RAI1: variants seen among roughly 807,000 people sequenced by gnomAD.
RAI1 encodes retinoic acid-induced protein 1.
A neutral mutation model predicts 123.8 loss-of-function variants in RAI1; 9 were observed. The ratio of observed to expected loss-of-function variants is 0.07; its 90% CI spans 0.04 to 0.13. The LOEUF is 0.13. Ranked by LOEUF, RAI1 falls within the 10% of genes least tolerant of loss-of-function variation. RAI1 has a pLI of 1.00. For missense variants in RAI1, 2,256 were observed against 2,545.8 expected, an observed-to-expected ratio of 0.89 and a Z score of 2.45; for synonymous variants, 1,231 against 1,127.3, an observed-to-expected ratio of 1.09 and a Z score of -1.84.
intron 4 of RAI1, among the ~76,000 whole-genome samples, chr17:17,807,950 G>A (rs1329791792): frequency 1.3e-5 from 2 of 152,198 alleles, no homozygotes; most frequent in Admixed American, 6.5e-5. Flanking sequence ...AGAGAGGCCT[G>A]CTACCACCCA....
intron 1 of RAI1, among the ~76,000 whole-genome samples, chr17:17,696,800 G>T (rs996633547): frequency 1.3e-5 from 2 of 152,206 alleles, no homozygotes; most frequent in African/African-American, 4.8e-5. Context: ...CTTTACTCTG[G>T]CCCAGATATG....
At chr17:17,743,485 C>T (rs1398137578) in intron 2 of RAI1, among the ~76,000 whole-genome samples, 3 of 152,254 alleles carry the variant, frequency 2.0e-5, no homozygotes, top group Non-Finnish European at 4.4e-5. Context: ...CCCTGAGTGG[C>T]AGCGTCCAGG....
chr17:17,744,404 A>G (rs772814711), intron 2 of RAI1, among the ~76,000 whole-genome samples: 5 of 152,372 alleles, frequency 3.3e-5, no homozygotes, highest in Non-Finnish European at 5.9e-5. Context: ...ACTGGTTCAC[A>G]GAAATAGCAG....
chr17:17,725,659 G>C (rs781618000), intron 2 of RAI1, among the ~76,000 whole-genome samples: 1 of 152,138 alleles, frequency 6.6e-6, no homozygotes, highest in Non-Finnish European at 1.5e-5. Context: ...CTGGCGTTGC[G>C]GGGGTGGAGA....
In RAI1 at chr17:17,793,685, C is replaced by A; in HGVS notation, c.737C>A (p.Pro246His). Residue 246 changes from proline to histidine, a missense_variant, in exon 3 of 6, where the codon CCC (proline) becomes CAC (histidine). By Grantham distance (77) the Pro-to-His change is moderately conservative. This residue lies in a region of RAI1 where 336 missense variants were observed against 349.8 expected (regional missense o/e 0.96). Transcript: ENST00000353383. ...YKSCTAPTAQ[P>H]HDRPLTASSS... is the part of the protein sequence containing the mutation. The stretch of plus-strand genomic sequence containing the variant: ...AGTTGCACAGCACCGACTGCCCAGC[C>A]CCATGACAGGCCGCTGACTGCCAGC... 1 of 1,613,168 alleles carries A rather than the reference C, an allele frequency of 6.2e-7. No homozygotes were observed. Among genetic ancestry groups the A allele is most frequent in the Non-Finnish European group, 8.5e-7 (1 of 1,180,038 alleles).
chr17:17,783,341 G>A (rs2031682627), intron 2 of RAI1, among the ~76,000 whole-genome samples: 1 of 152,162 alleles, frequency 6.6e-6, no homozygotes, highest in African/African-American at 2.4e-5. Flanking sequence ...TCAGCGGGCT[G>A]GGCTGCGGAG....
chr17:17,753,471 G>T (rs2030299896), intron 2 of RAI1, among the ~76,000 whole-genome samples: 1 of 152,222 alleles, frequency 6.6e-6, no homozygotes, highest in Non-Finnish European at 1.5e-5. Flanking sequence ...TACATGGATA[G>T]CCTTTTGGGA....
At chr17:17,784,017 C>G (rs1304589002) in intron 2 of RAI1, among the ~76,000 whole-genome samples, 1 of 152,210 alleles carries the variant, frequency 6.6e-6, no homozygotes, top group Non-Finnish European at 1.5e-5. Flanking sequence ...TCCAATCCCC[C>G]TCCCTCTTTT....
rs1300185287 is a variant in RAI1 at position 17,714,778 on chromosome 17, C to A, written c.-148-9250C>A. Reference sequence around the variant, plus strand: ...GGAAATCCTGGTTGTGGGCTGAGCTCGGGCCATCCACTTGTCGTGGTGGGT... The same window carrying A: ...GGAAATCCTGGTTGTGGGCTGAGCTAGGGCCATCCACTTGTCGTGGTGGGT... On this transcript the variant is annotated intron_variant, in intron 1 of 5. Transcript: ENST00000353383. The surrounding 1 kb of genome is among the most constrained non-coding windows in gnomAD (Gnocchi z 4.9). 6.6e-6 allele frequency among the ~76,000 whole-genome samples: 1 copy of A among 152,156 alleles called. No homozygotes were observed. Among genetic ancestry groups the A allele is most frequent in the East Asian group, 1.9e-4 (1 of 5,198 alleles).
At chr17:17,744,169 C>T (rs1916733740) in intron 2 of RAI1, among the ~76,000 whole-genome samples, 1 of 152,164 alleles carries the variant, frequency 6.6e-6, no homozygotes, top group African/African-American at 2.4e-5. Context: ...GTGGGATTGC[C>T]AGTATCACCC....
At chr17:17,705,577 C>CAAAAAT (rs2142895762) in intron 1 of RAI1, among the ~76,000 whole-genome samples, 1 of 151,854 alleles carries the variant, frequency 6.6e-6, no homozygotes, top group East Asian at 1.9e-4. Flanking sequence ...AAAACAAAAA[C>CAAAAAT]GAGCCAGGTG....
At position 17,793,782 on chromosome 17, in the gene RAI1, G is replaced by GCAT; in HGVS notation, c.836_837insTCA (p.Gln278_Gln279insHis). The GCAT allele has an allele frequency of 1.3e-6, 1 of 783,944 alleles. No homozygotes were observed. The highest frequency in any genetic ancestry group is 2.5e-5 in the South Asian group (1 of 40,172). The allele number at this position is 783,944 out of a possible 1,614,324, so 48.6% of individuals were successfully genotyped here. ...AGTCGGGCCGCCTCAGCTATGACCA[G>GCAT]CAGCAGCAGCAGCAGCAGCAGCAGC... On this transcript the variant is annotated inframe_insertion, in exon 3 of 6. Transcript: ENST00000353383.
chr17:17,722,163 G>A (rs1915901059), intron 1 of RAI1, among the ~76,000 whole-genome samples: 2 of 152,200 alleles, frequency 1.3e-5, no homozygotes, highest in East Asian at 1.9e-4. Flanking sequence ...GTGGTGGGAC[G>A]AGCCAGGGCT....
intron 1 of RAI1, chr17:17,682,441 A>C (rs1914464354): frequency 6.7e-6 from 1 of 149,946 alleles, no homozygotes; most frequent in Admixed American, 6.6e-5. Context: ...CCCGGGAGGC[A>C]CGGGCCCTTC....
At chr17:17,780,996 C>G (rs2031556786) in intron 2 of RAI1, among the ~76,000 whole-genome samples, 1 of 152,198 alleles carries the variant, frequency 6.6e-6, no homozygotes, top group African/African-American at 2.4e-5. Context: ...CCTCCCCTCC[C>G]AGGAGCTAGG....
chr17:17,750,325 A>G (rs1002924505), intron 2 of RAI1, among the ~76,000 whole-genome samples: 1 of 152,210 alleles, frequency 6.6e-6, no homozygotes, highest in Non-Finnish European at 1.5e-5. Flanking sequence ...AAATTAGTCC[A>G]TTTTATTCTT....
intron 2 of RAI1, among the ~76,000 whole-genome samples, chr17:17,745,267 G>A (rs957829394): frequency 1.3e-5 from 2 of 151,800 alleles, no homozygotes; most frequent in Non-Finnish European, 2.9e-5. Context: ...GAGGTATTTG[G>A]GATGTGCTGA....
intron 1 of RAI1, among the ~76,000 whole-genome samples, chr17:17,712,220 G>A (rs1028315812): frequency 2.6e-5 from 4 of 152,212 alleles, no homozygotes; most frequent in African/African-American, 9.7e-5. Flanking sequence ...CTCTATCAGC[G>A]AATAAAACAA....
chr17:17,716,879 G>A (rs1915729719), intron 1 of RAI1, among the ~76,000 whole-genome samples: 1 of 152,228 alleles, frequency 6.6e-6, no homozygotes, highest in Non-Finnish European at 1.5e-5. Flanking sequence ...ATGGCATGGA[G>A]CAGGCCCATC....
Sources: gnomAD v4.1 joint callset for allele counts (sites outside exome capture counted in the v4.1 genomes callset) on GRCh38, gnomAD v4.1.1 for gene constraint, gnomAD v4.1.1 regional missense constraint, Gnocchi (gnomAD v3.1) non-coding constraint, MANE v1.5 for transcripts, NCBI Gene and HGNC (gene_info 2026-07-23, HGNC 2026-07-21) for gene names.